The following PCYT1A variants were observed in gnomAD, a reference collection of about 807,000 sequenced individuals.
PCYT1A encodes the protein choline-phosphate cytidylyltransferase A.
Under a neutral mutation model 43.7 loss-of-function variants are expected in PCYT1A, and 25 were observed. The observed-to-expected ratio is 0.57, with a 90% CI of 0.42 to 0.80. The LOEUF (loss-of-function observed/expected upper bound fraction) is 0.80. Among genes scored for constraint, PCYT1A ranks in the 30% least tolerant of loss-of-function variants. The pLI is 0.00. For synonymous variants in PCYT1A, 172 were observed against 170.7 expected (o/e 1.01, Z -0.06); for missense variants, 421 against 474.2 (o/e 0.89, Z 1.04).
chr3:196,274,071 C>T (rs752339431), intron 1 of PCYT1A, among the ~76,000 whole-genome samples: 1 of 152,386 alleles, frequency 6.6e-6, no homozygotes, highest in Admixed American at 6.5e-5. Context: ...CATGTCAGCA[C>T]TGCCCCTAGC....
intron 2 of PCYT1A, among the ~76,000 whole-genome samples, chr3:196,258,136 A>G (rs1003827353): frequency 6.6e-6 from 1 of 151,982 alleles, no homozygotes; most frequent in Admixed American, 6.6e-5. Flanking sequence ...GATACAGAAA[A>G]TTAGCCTGGT....
intron 5 of PCYT1A, among the ~76,000 whole-genome samples, chr3:196,244,287 C>T (rs867698404): frequency 1.8e-4 from 26 of 147,540 alleles, no homozygotes; most frequent in Admixed American, 1.3e-3. Context: ...ATGTGAGGAG[C>T]CCCTCTGCCC....
At chr3:196,257,411 C>T (rs899656079) in intron 3 of PCYT1A, among the ~76,000 whole-genome samples, 2 of 152,072 alleles carry the variant, frequency 1.3e-5, no homozygotes, top group African/African-American at 4.8e-5. Context: ...GCTGACAGAA[C>T]GTAGAGAGGT....
In PCYT1A at chr3:196,248,173, G is replaced by A. The variant is rs146613318; in HGVS notation, c.334+34C>T. Reference sequence around the variant, plus strand: ...ACAGACTGTACTATCATCTTTTTCTGCACAGCACCTGAAGTCACCAAATGT... The same window carrying A: ...ACAGACTGTACTATCATCTTTTTCTACACAGCACCTGAAGTCACCAAATGT... On this transcript the variant is annotated intron_variant, in intron 4 of 8. Coordinates refer to ENST00000431016, the MANE Select transcript of PCYT1A (RefSeq NM_001312673.2). 658 of 1,150,904 alleles carry A rather than the reference G, an allele frequency of 5.7e-4. 2 individuals are homozygous for A. In the African/African-American group the frequency reaches 6.5e-3, roughly 11 times the overall value. The allele number at this position is 1,150,904 out of a possible 1,614,324, so 71.3% of individuals were successfully genotyped here. A position where few individuals can be genotyped will look rare whatever the true frequency, so the allele number is the denominator to read the frequency against.
rs944060240 is a variant in PCYT1A at position 196,282,336 on chromosome 3, T to C, written c.-11+5279A>G. On this transcript the variant is annotated intron_variant, in intron 1 of 8. Coordinates refer to ENST00000431016, the MANE Select transcript of PCYT1A (RefSeq NM_001312673.2). This position sits in a 1 kb window ranked among gnomAD's most constrained non-coding sequence, Gnocchi z 4.3. ...GAACAATTTTACTCTGCCACTATTC[T>C]ACCAGAATATTTGGTGAGTAAACTC... Among the ~76,000 whole-genome samples the C allele has an allele frequency of 6.6e-6, 1 of 152,248 alleles. No homozygotes were observed. Among genetic ancestry groups the C allele is most frequent in the African/African-American group, 2.4e-5 (1 of 41,468 alleles).
chr3:196,279,836 T>C (rs1292771506), intron 1 of PCYT1A, among the ~76,000 whole-genome samples: 2 of 143,140 alleles, frequency 1.4e-5, no homozygotes, highest in East Asian at 2.0e-4. Flanking sequence ...CTTTTTTTTT[T>C]TTTTTTTTTT....
rs1724615523 is a variant in PCYT1A, at chr3:196,247,711, A to G, written c.335-193T>C. On this transcript the variant is annotated intron_variant, in intron 4 of 8. Transcript: ENST00000431016. The surrounding 1 kb of genome is among the most constrained non-coding windows in gnomAD (Gnocchi z 4.8). ...TGCAGCGTATACCTTCAGGAGCAAC[A>G]CTCACTAAACAGTATGTTCATACTT... 2 of 694,274 alleles carry G rather than the reference A, an allele frequency of 2.9e-6. No individual in the cohort carries two copies. Among genetic ancestry groups the G allele is most frequent in the African/African-American group, 1.8e-5 (1 of 57,120 alleles). 43.0% of individuals were successfully genotyped at this position (694,274 alleles called of 1,614,324 possible).
At chr3:196,281,186 G>C (rs912530074) in intron 1 of PCYT1A, among the ~76,000 whole-genome samples, 1 of 152,224 alleles carries the variant, frequency 6.6e-6, no homozygotes. Context: ...TACCGTGGTG[G>C]TGCTTAATGA....
chr3:196,250,064 G>A lies in PCYT1A; in HGVS notation c.218-1741C>T, dbSNP rs539437014. On this transcript the variant is annotated intron_variant, in intron 3 of 8. Transcript: ENST00000431016. Reference sequence around the variant, plus strand: ...GGCTGAGGACCAGATACACCATGCCGAGGCTGAGGACCAGATACACCATGC... The same window carrying A: ...GGCTGAGGACCAGATACACCATGCCAAGGCTGAGGACCAGATACACCATGC... Among the ~76,000 whole-genome samples, 60 of 150,550 alleles carry A rather than the reference G, an allele frequency of 4.0e-4. 2 individuals are homozygous for A. The highest frequency in any genetic ancestry group is 7.1e-4 in the Non-Finnish European group (48 of 67,654).
chr3:196,280,570 G>GTTTTTTTTTTTTTTTTTTTTTTTGT, intron 1 of PCYT1A, among the ~76,000 whole-genome samples: 2 of 91,344 alleles, frequency 2.2e-5, no homozygotes, highest in Admixed American at 1.4e-4. Context: ...TATTTTTATT[G>GTTTTTTTTTTTTTTTTTTTTTTTGT]TTTTTTTTTT....
At chr3:196,245,120 C>T (rs1341886130) in intron 5 of PCYT1A, among the ~76,000 whole-genome samples, 1 of 84,396 alleles carries the variant, frequency 1.2e-5, no homozygotes, top group Non-Finnish European at 2.4e-5. Flanking sequence ...GAAGTTTTAT[C>T]CTCAGGATCT....
chr3:196,247,390 G>C lies in PCYT1A; in HGVS notation c.463C>G (p.Pro155Ala). The change falls in exon 5 of 9, where the codon CCC (proline) becomes GCC (alanine). Residue 155 changes from proline to alanine, a missense_variant. Physicochemically the swap from Pro to Ala is conservative, Grantham distance 27. Coordinates refer to ENST00000431016, the MANE Select transcript of PCYT1A (RefSeq NM_001312673.2). This position sits in a 1 kb window ranked among gnomAD's most constrained non-coding sequence, Gnocchi z 4.8. ...VVRNAPWTLT[P>A]EFLAEHRIDF... ...ACCCGGTGTTCGGCCAGGAACTCGG[G>C]TGTCAGCGTCCAGGGCGCATTCCTC... The C allele has an allele frequency of 1.2e-6, 2 of 1,614,166 alleles. No individual in the cohort carries two copies. The highest frequency in any genetic ancestry group is 1.7e-6 in the Non-Finnish European group (2 of 1,180,034).
chr3:196,256,338 A>C (rs894626146), intron 3 of PCYT1A, among the ~76,000 whole-genome samples: 1 of 151,948 alleles, frequency 6.6e-6, no homozygotes, highest in Non-Finnish European at 1.5e-5. Context: ...AAAAATACAA[A>C]AATTAGCCAG....
chr3:196,270,391 C>G, intron 2 of PCYT1A, 24 bp downstream of exon 2: 2 of 1,425,896 alleles, frequency 1.4e-6, no homozygotes, highest in Non-Finnish European at 2.0e-6. Flanking sequence ...CTACCCTCCC[C>G]CTGCCAGGTT....
chr3:196,242,515 G>A lies in PCYT1A; in HGVS notation c.565+47C>T, dbSNP rs1724390798. The A allele has an allele frequency of 2.5e-6, 3 of 1,224,122 alleles. No individual in the cohort carries two copies. The highest frequency in any genetic ancestry group is 3.6e-6 in the Non-Finnish European group (3 of 823,734). The allele number at this position is 1,224,122 out of a possible 1,614,324, so 75.8% of individuals were successfully genotyped here. On this transcript the variant is annotated intron_variant, in intron 6 of 8. Coordinates refer to ENST00000431016, the MANE Select transcript of PCYT1A (RefSeq NM_001312673.2). The surrounding 1 kb of genome is among the most constrained non-coding windows in gnomAD (Gnocchi z 4.2). ...AAAGCAGCAACATGGCTGAACATCT[G>A]CAGCTGCCCTGAGATCCCCTACAGT... is the stretch of plus-strand genomic sequence containing the variant.
At chr3:196,285,656 T>C (rs1725889214) in intron 1 of PCYT1A, among the ~76,000 whole-genome samples, 2 of 152,174 alleles carry the variant, frequency 1.3e-5, no homozygotes, top group South Asian at 4.1e-4. Context: ...GGCCTCAGTG[T>C]ACAAATCATT....
intron 2 of PCYT1A, among the ~76,000 whole-genome samples, chr3:196,269,343 G>A (rs562377707): frequency 2.6e-5 from 4 of 152,034 alleles, no homozygotes; most frequent in South Asian, 2.1e-4. Flanking sequence ...TTTTCCCTTT[G>A]GGCTGGGAAG....
At chr3:196,270,698 G>A (rs752095531) in intron 1 of PCYT1A, among the ~76,000 whole-genome samples, 157 bp from the exon 2 acceptor site, 1 of 152,176 alleles carries the variant, frequency 6.6e-6, no homozygotes, top group African/African-American at 2.4e-5. Context: ...CAAAACCAGC[G>A]AAGCTTCACA....
At position 196,252,525 on chromosome 3, in the gene PCYT1A, G is replaced by A. The variant is rs546843489; in HGVS notation, c.218-4202C>T. On this transcript the variant is annotated intron_variant, in intron 3 of 8. Coordinates refer to ENST00000431016, the MANE Select transcript of PCYT1A (RefSeq NM_001312673.2). The surrounding 1 kb of genome is among the most constrained non-coding windows in gnomAD (Gnocchi z 4.0). ...CGAAGTTCTGGGATTACGGGCGTGA[G>A]CCACCATGCCCAGCCCAGGCTGGTT... is the stretch of plus-strand genomic sequence containing the variant. 6.6e-6 allele frequency among the ~76,000 whole-genome samples: 1 copy of A among 152,314 alleles called. No individual in the cohort carries two copies. Among genetic ancestry groups the A allele is most frequent in the East Asian group, 1.9e-4 (1 of 5,192 alleles).
Sources: gnomAD v4.1 joint callset for allele counts (sites outside exome capture counted in the v4.1 genomes callset) on GRCh38, gnomAD v4.1.1 for gene constraint, Gnocchi (gnomAD v3.1) non-coding constraint, MANE v1.5 for transcripts, NCBI Gene and HGNC (gene_info 2026-07-23, HGNC 2026-07-21) for gene names.